Variants in PEMT observed in about 807,000 individuals in gnomAD.
PEMT encodes phosphatidylethanolamine N-methyltransferase.
PEMT carries 23 observed loss-of-function variants against 27.4 expected under a neutral mutation model. That is an observed-to-expected ratio of 0.84 (90% CI 0.60 to 1.19). PEMT has a LOEUF of 1.19. Among genes scored for constraint, PEMT ranks in the 50% most tolerant of loss-of-function variants. PEMT has a pLI of 0.00. For synonymous variants in PEMT, 137 were observed against 139.1 expected (o/e 0.98, Z 0.11); for missense variants, 307 against 310.1 (o/e 0.99, Z 0.07).
In PEMT at chr17:17,547,868, A is replaced by T. The variant is rs933331640; in HGVS notation, c.205-25473T>A. Among the ~76,000 whole-genome samples the T allele has an allele frequency of 3.9e-5, 6 of 152,364 alleles. No homozygotes were observed. In the South Asian group the frequency reaches 1.2e-3, roughly 32 times the overall value. On this transcript the variant is annotated intron_variant, in intron 2 of 6. Transcript: ENST00000255389. ...GAGCCAGAACACGCTAGTGAGGGGC[A>T]TGGAAAATCTAAATCACAACTGAAT...
intron 2 of PEMT, among the ~76,000 whole-genome samples, chr17:17,546,318 G>A (rs983589198): frequency 6.6e-6 from 1 of 152,182 alleles, no homozygotes. Context: ...GGGTTTGGCC[G>A]GGCTTTGCTC....
At chr17:17,527,245 T>A (rs1352829465) in intron 2 of PEMT, among the ~76,000 whole-genome samples, 1 of 152,148 alleles carries the variant, frequency 6.6e-6, no homozygotes, top group Non-Finnish European at 1.5e-5. Flanking sequence ...CCATGTTGGT[T>A]AGGCTGGTCT....
chr17:17,580,575 C>T (rs1483343746), intron 1 of PEMT, among the ~76,000 whole-genome samples: 10 of 152,172 alleles, frequency 6.6e-5, no homozygotes, highest in African/African-American at 1.7e-4. Flanking sequence ...AGGGAAGAGT[C>T]GTGGCTTTGG....
intron 2 of PEMT, among the ~76,000 whole-genome samples, chr17:17,546,971 C>T (rs1909303516): frequency 6.6e-6 from 1 of 152,220 alleles, no homozygotes; most frequent in Non-Finnish European, 1.5e-5. Context: ...TGAAGCTGCC[C>T]ATCGTCAGAA....
chr17:17,525,229 G>A (rs1254006125), intron 2 of PEMT, among the ~76,000 whole-genome samples: 1 of 152,218 alleles, frequency 6.6e-6, no homozygotes, highest in Non-Finnish European at 1.5e-5. Context: ...GCCTCGGAAA[G>A]AGCTGATGCT....
At chr17:17,558,682 GA>G (rs141641212) in intron 2 of PEMT, among the ~76,000 whole-genome samples, 23,727 of 95,240 alleles carry the variant, frequency 0.25, 2,305 homozygotes, top group South Asian at 0.43. Flanking sequence ...CCAGTCTCAC[GA>G]AAAAAAAAAA....
chr17:17,535,115 G>A (rs1908368315), intron 2 of PEMT, among the ~76,000 whole-genome samples: 1 of 151,676 alleles, frequency 6.6e-6, no homozygotes. Flanking sequence ...TCACCATGTT[G>A]GCCAGGCTGG....
Position 17,505,670 on chromosome 17 carries a change from G to C in PEMT, c.*121C>G. The stretch of plus-strand genomic sequence containing the variant: ...CAAGGCAGCAGGTTCCAAGGCACTG[G>C]GGCAGCCCACGCCGGGGGCGAGCCC... On this transcript the variant is annotated 3_prime_UTR_variant, in exon 7 of 7. Transcript: ENST00000255389. The C allele has an allele frequency of 8.4e-7, 1 of 1,195,124 alleles. No homozygotes were observed. The highest frequency in any genetic ancestry group is 1.1e-6 in the Non-Finnish European group (1 of 898,706). The allele number at this position is 1,195,124 out of a possible 1,614,324, so 74.0% of individuals were successfully genotyped here.
intron 5 of PEMT, 131 bp downstream of exon 5, chr17:17,509,303 C>T (rs1906156143): frequency 1.6e-6 from 1 of 639,036 alleles, no homozygotes; most frequent in South Asian, 2.0e-5. Flanking sequence ...ACCAGGGCGC[C>T]TAGGCCCCCA....
At chr17:17,566,547 G>A (rs1279418907) in intron 2 of PEMT, among the ~76,000 whole-genome samples, 1 of 152,236 alleles carries the variant, frequency 6.6e-6, no homozygotes, top group Non-Finnish European at 1.5e-5. Context: ...CAGGGTTCAG[G>A]AAGGCACAGG....
At chr17:17,565,127 T>C (rs948383574) in intron 2 of PEMT, 2 of 152,404 alleles carry the variant, frequency 1.3e-5, no homozygotes, top group Non-Finnish European at 2.9e-5. Context: ...AGGACCCTCC[T>C]AATTGGCTAC....
At chr17:17,585,324 C>T (rs943296689) in intron 1 of PEMT, among the ~76,000 whole-genome samples, 4 of 152,204 alleles carry the variant, frequency 2.6e-5, no homozygotes, top group Middle Eastern at 6.8e-3. Context: ...GGCGACAGAG[C>T]GAGAATCCAT....
intron 2 of PEMT, among the ~76,000 whole-genome samples, chr17:17,539,112 C>T (rs1216110699): frequency 2.0e-5 from 3 of 152,090 alleles, no homozygotes; most frequent in African/African-American, 7.2e-5. Context: ...GTAAAATGTA[C>T]CCTTTTTAAT....
At chr17:17,589,486 TA>T (rs1170515431) in intron 1 of PEMT, among the ~76,000 whole-genome samples, 1 of 152,176 alleles carries the variant, frequency 6.6e-6, no homozygotes, top group Non-Finnish European at 1.5e-5. Context: ...TTGTCAAAAT[TA>T]TTTTTCTATT....
chr17:17,521,296 A>C (rs1907245069), intron 3 of PEMT, among the ~76,000 whole-genome samples: 1 of 152,188 alleles, frequency 6.6e-6, no homozygotes, highest in African/African-American at 2.4e-5. Flanking sequence ...TGCCGTGCGC[A>C]ATGATTCTCA....
At chr17:17,588,460 G>A (rs1912434503) in intron 1 of PEMT, among the ~76,000 whole-genome samples, 1 of 152,070 alleles carries the variant, frequency 6.6e-6, no homozygotes, top group Non-Finnish European at 1.5e-5. Flanking sequence ...GAATACAAGG[G>A]CTTTGCCTTC....
chr17:17,529,644 A>AG (rs1907946378), intron 2 of PEMT, among the ~76,000 whole-genome samples: 2 of 152,278 alleles, frequency 1.3e-5, no homozygotes. Flanking sequence ...TTCACACCCG[A>AG]GGGGCCATGG....
chr17:17,518,268 T>A, intron 3 of PEMT: 16 of 560,296 alleles, frequency 2.9e-5, no homozygotes, highest in Non-Finnish European at 3.6e-5. Flanking sequence ...GTTCGAGCCC[T>A]GCCTGGCCAT....
chr17:17,517,251 A>T (rs939631522), intron 3 of PEMT, among the ~76,000 whole-genome samples: 6 of 152,192 alleles, frequency 3.9e-5, no homozygotes, highest in Non-Finnish European at 8.8e-5. Flanking sequence ...TCACATAGTA[A>T]GTTTGTGTGG....
Sources: allele counts gnomAD v4.1 joint callset (sites outside exome capture counted in the v4.1 genomes callset), GRCh38; gene constraint gnomAD v4.1.1; transcripts MANE v1.5; gene names NCBI Gene and HGNC (gene_info 2026-07-23, HGNC 2026-07-21).